The following PDXDC1 variants were observed in gnomAD, a reference collection of about 807,000 sequenced individuals.
PDXDC1 encodes pyridoxal dependent decarboxylase domain containing 1, also known as pyridoxal-dependent decarboxylase domain-containing protein 1.
In PDXDC1, 42 loss-of-function variants were observed where a neutral mutation model predicts 100.1. The observed-to-expected ratio is 0.42, with a 90% confidence interval of 0.33 to 0.54. PDXDC1 has a LOEUF of 0.54. Ranked by LOEUF, PDXDC1 falls within the 20% of genes least tolerant of loss-of-function variation. The pLI, the probability that PDXDC1 is intolerant of heterozygous loss-of-function variation, is 0.10. For synonymous variants in PDXDC1, 260 were observed against 371.7 expected (o/e 0.70, Z 3.46); for missense variants, 636 against 979.2 (o/e 0.65, Z 4.68).
At chr16:15,066,897 A>G (rs1325386822) in intron 16 of PDXDC1, among the ~76,000 whole-genome samples, 1 of 151,854 alleles carries the variant, frequency 6.6e-6, no homozygotes, top group East Asian at 1.9e-4. Context: ...TGTGCCTCCA[A>G]TGCGCATGCC....
In PDXDC1 at chr16:15,016,020, TATA is replaced by T; in HGVS notation, c.728-104_728-102del. Reference sequence around the variant, plus strand: ...AAAGAAAATCTCAATAAAATAGGGATATAATAAGTCACTTCCCTCCTAGGGCGA... The same window carrying T: ...AAAGAAAATCTCAATAAAATAGGGATATAAGTCACTTCCCTCCTAGGGCGA... On this transcript the variant is annotated intron_variant, in intron 8 of 22. Coordinates refer to ENST00000396410, the MANE Select transcript of PDXDC1 (RefSeq NM_015027.4). 5.9e-6 allele frequency: 9 copies of T among 1,515,816 alleles called. No individual in the cohort carries two copies. The South Asian group carries it at 9.1e-5, about 15-fold the overall frequency. The allele number at this position is 1,515,816 out of a possible 1,614,324, so 93.9% of individuals were successfully genotyped here.
chr16:14,993,735 T>C (rs1448707281), intron 1 of PDXDC1, among the ~76,000 whole-genome samples: 3 of 152,424 alleles, frequency 2.0e-5, no homozygotes, highest in African/African-American at 7.2e-5. Flanking sequence ...TCCACAATGG[T>C]TGAACTAGTT....
intron 15 of PDXDC1, 111 bp from the exon 16 acceptor site, chr16:15,029,840 G>A: frequency 1.1e-6 from 1 of 888,276 alleles, no homozygotes; most frequent in Non-Finnish European, 1.8e-6. Context: ...AAAAGAGCAG[G>A]AATCAGCTCT....
chr16:15,149,716 C>T, the PDXDC1 span, among the ~76,000 whole-genome samples: 2 of 152,112 alleles, frequency 1.3e-5, no homozygotes, highest in African/African-American at 4.8e-5. Context: ...TGTGCCCAGT[C>T]CTGGACCCCA....
At chr16:14,995,317 T>C (rs1971722341) in intron 1 of PDXDC1, among the ~76,000 whole-genome samples, 1 of 152,296 alleles carries the variant, frequency 6.6e-6, no homozygotes, top group Non-Finnish European at 1.5e-5. Flanking sequence ...ATATGGTCCG[T>C]CAATACCCAG....
At chr16:15,086,296 T>A (rs1267133739) in intron 16 of PDXDC1, 1 of 1,574,764 alleles carries the variant, frequency 6.4e-7, no homozygotes, top group Non-Finnish European at 8.7e-7. Flanking sequence ...AGCATGTTAT[T>A]AATATAACAT....
At chr16:15,061,833 T>A (rs745776890) in intron 16 of PDXDC1, 1 of 1,614,168 alleles carries the variant, frequency 6.2e-7, no homozygotes, top group South Asian at 1.1e-5. Context: ...GAGCTTGGTG[T>A]GATCCCAATC....
chr16:15,068,192 A>C, intron 16 of PDXDC1: 7 of 1,593,738 alleles, frequency 4.4e-6, no homozygotes, highest in Non-Finnish European at 6.0e-6. Flanking sequence ...CAAAAAAGTT[A>C]ACCACTGAGG....
At chr16:15,039,670 T>C (rs1355808671), downstream of PDXDC1, among the ~76,000 whole-genome samples, 1 of 152,208 alleles carries the variant, frequency 6.6e-6, no homozygotes, top group African/African-American at 2.4e-5. Context: ...TTTGTAGAAC[T>C]TTATAGAAAA....
chr16:15,045,517 T>C (rs2044022994), intron 16 of PDXDC1: 1 of 151,408 alleles, frequency 6.6e-6, no homozygotes, highest in African/African-American at 2.4e-5. Flanking sequence ...TATACCTCTA[T>C]TCCCAGCTAC....
chr16:15,031,112 ATTTTTTT>A (rs771115923), intron 16 of PDXDC1, among the ~76,000 whole-genome samples: 10 of 73,922 alleles, frequency 1.4e-4, no homozygotes, highest in Middle Eastern at 8.2e-3. Context: ...CACCACATCT[ATTTTTTT>A]TTTTTTTTTT....
At chr16:15,031,983 C>T (rs373630495) in intron 17 of PDXDC1, 77 bp downstream of exon 17, 72 of 1,226,560 alleles carry the variant, frequency 5.9e-5, no homozygotes, top group African/African-American at 2.9e-4. Context: ...TCTGAACCAC[C>T]TTAGAAATCC....
chr16:15,109,667 A>C (rs1286934046), intron 16 of PDXDC1, among the ~76,000 whole-genome samples: 11 of 34,622 alleles, frequency 3.2e-4, no homozygotes, highest in African/African-American at 7.8e-4. Context: ...AAAAAAAAAA[A>C]AAAAAAAAAA....
At chr16:15,124,949 C>G (rs940090518) in intron 16 of PDXDC1, among the ~76,000 whole-genome samples, 25 of 151,094 alleles carry the variant, frequency 1.7e-4, no homozygotes, top group Admixed American at 6.6e-5. Context: ...GAGTTCGAGA[C>G]CAGCCTCACC....
intron 1 of PDXDC1, chr16:14,975,502 G>GC: frequency 1.0e-6 from 1 of 985,480 alleles, no homozygotes; most frequent in South Asian, 4.7e-5. Context: ...CCGACCTTGG[G>GC]CCCTGCCGAG....
At chr16:15,031,992 C>T in intron 17 of PDXDC1, 86 bp downstream of exon 17, 2 of 1,163,102 alleles carry the variant, frequency 1.7e-6, no homozygotes, top group Non-Finnish European at 2.5e-6. Context: ...CCTTAGAAAT[C>T]CAAGATGAAC....
At chr16:15,139,728 C>G (rs1419319664), downstream of PDXDC1, among the ~76,000 whole-genome samples, 11 of 152,130 alleles carry the variant, frequency 7.2e-5, no homozygotes, top group Admixed American at 7.2e-4. Context: ...CTGCAGTGAG[C>G]TATGACTGTG....
At chr16:15,021,569 A>G (rs1266168643) in intron 12 of PDXDC1, among the ~76,000 whole-genome samples, 1 of 152,274 alleles carries the variant, frequency 6.6e-6, no homozygotes, top group Non-Finnish European at 1.5e-5. Context: ...TCCCGTGGCT[A>G]TGGAGTGCGG....
chr16:15,133,112 G>A (rs997281660), intron 16 of PDXDC1: 144 of 628,426 alleles, frequency 2.3e-4, no homozygotes, highest in Non-Finnish European at 3.5e-4. Flanking sequence ...TGTGGCTGCT[G>A]GGAGCGGAAC....
Sources: gnomAD v4.1 joint callset for allele counts (sites outside exome capture counted in the v4.1 genomes callset) on GRCh38, gnomAD v4.1.1 for gene constraint, MANE v1.5 for transcripts, NCBI Gene and HGNC (gene_info 2026-07-23, HGNC 2026-07-21) for gene names.